Variants in SHISA4 observed in about 807,000 individuals in gnomAD.
SHISA4 encodes protein shisa-4.
SHISA4 carries 16 observed loss-of-function variants against 24.2 expected under a neutral mutation model. The observed-to-expected ratio is 0.66, with a 90% CI of 0.45 to 1.00. SHISA4 has a LOEUF of 1.00. SHISA4 is among the 50% of genes least tolerant of loss of function. SHISA4 has a pLI of 0.00. For synonymous variants in SHISA4, 106 were observed against 105.4 expected (o/e 1.01, Z -0.04); for missense variants, 238 against 258.9 (o/e 0.92, Z 0.55).
In SHISA4 at chr1:201,891,827, C is replaced by CCTCTT; in HGVS notation, c.576_580dup (p.Tyr194SerfsTer18). 1 of 1,614,112 alleles carries CCTCTT rather than the reference C, an allele frequency of 6.2e-7. No homozygotes were observed. Among genetic ancestry groups the CCTCTT allele is most frequent in the South Asian group, 1.1e-5 (1 of 91,074 alleles). The stretch of plus-strand genomic sequence containing the variant: ...CCTCCTCCCTATATGCCACCACAGC[C>CCTCTT]CTCTTACCCGGGAGCCTGAGGAACC... On this transcript the variant is annotated frameshift_variant, in exon 5 of 5. Transcript: ENST00000362011. LOFTEE classifies it high-confidence loss of function.
In SHISA4 at chr1:201,889,214, G is replaced by A. The variant is rs1288127810; in HGVS notation, c.73+147G>A. The A allele has an allele frequency of 4.2e-6, 4 of 952,228 alleles. No individual in the cohort carries two copies. In the East Asian group the frequency reaches 8.0e-5, roughly 19 times the overall value. The allele number at this position is 952,228 out of a possible 1,614,324, so 59.0% of individuals were successfully genotyped here. ...GTGTTGCTGGGTCCTCAAGAAGCGG[G>A]AAGAGGGAGCTCCAGGATGCTGGGC... On this transcript the variant is annotated intron_variant, in intron 1 of 4. Transcript: ENST00000362011.
At position 201,891,957 on chromosome 1, in the gene SHISA4, C is replaced by A; in HGVS notation, c.*111C>A. 1.5e-6 allele frequency: 2 copies of A among 1,336,978 alleles called. No homozygotes were observed. The highest frequency in any genetic ancestry group is 2.1e-6 in the Non-Finnish European group (2 of 934,298). The allele number at this position is 1,336,978 out of a possible 1,614,324, so 82.8% of individuals were successfully genotyped here. A position where few individuals can be genotyped will look rare whatever the true frequency, so the allele number is the denominator to read the frequency against. Reference sequence around the variant, plus strand: ...TGGCAGGAGTCCTCCAGCCACCAGGCCCCAGACCAAGCCAAGCCCTGGGCC... The same window carrying A: ...TGGCAGGAGTCCTCCAGCCACCAGGACCCAGACCAAGCCAAGCCCTGGGCC... On this transcript the variant is annotated 3_prime_UTR_variant, in exon 5 of 5. Coordinates refer to ENST00000362011, the MANE Select transcript of SHISA4 (RefSeq NM_198149.3).
At chr1:201,890,242 C>G (rs936697329) in intron 2 of SHISA4, among the ~76,000 whole-genome samples, 3 of 152,154 alleles carry the variant, frequency 2.0e-5, no homozygotes, top group African/African-American at 7.2e-5. Context: ...TGCAAATCCC[C>G]GTATGCTTCA....
intron 2 of SHISA4, among the ~76,000 whole-genome samples, chr1:201,890,132 G>A (rs1339992156): frequency 1.3e-5 from 2 of 152,052 alleles, no homozygotes; most frequent in Admixed American, 1.3e-4. Context: ...GCGGGGTTTG[G>A]AAAAAATGGC....
At chr1:201,888,725 A>C, upstream of SHISA4, 2 of 342,666 alleles carry the variant, frequency 5.8e-6, no homozygotes, top group Non-Finnish European at 1.0e-5. Context: ...GGAGCCGGGG[A>C]CAGGGGGAGC....
rs978605944 is a variant in SHISA4 at position 201,890,520 on chromosome 1, C to T, written c.312C>T (p.Ile104=). 9 of 1,614,248 alleles carry T rather than the reference C, an allele frequency of 5.6e-6. No individual in the cohort carries two copies. The highest frequency in any genetic ancestry group is 7.6e-6 in the Non-Finnish European group (9 of 1,180,042). ...ILFVAVVATT[I]CCFLCSCCYL... ...TTGTTGCTGTGGTTGCCACCACCATCTGCTGCTTCCTCTGTTCCTGTTGCT... is the reference window on the plus strand; with the variant it reads ...TTGTTGCTGTGGTTGCCACCACCATTTGCTGCTTCCTCTGTTCCTGTTGCT... Residue 104 remains isoleucine (I), a synonymous_variant, in exon 3 of 5, where the codon ATC becomes ATT. Coordinates refer to ENST00000362011, the MANE Select transcript of SHISA4 (RefSeq NM_198149.3).
chr1:201,891,432 G>A lies in SHISA4; in HGVS notation c.411G>A (p.Val137=), dbSNP rs1681095179. ...AGATTCCAATGACAGGCATCCCAGT[G>A]CAGCCAGTATACCCATACCCCCAGG... ...GQEIPMTGIP[V]QPVYPYPQDP... is the part of the protein sequence containing the mutation. The change falls in exon 4 of 5, where the codon GTG becomes GTA. Residue 137 remains valine (V), a synonymous_variant. Coordinates refer to ENST00000362011, the MANE Select transcript of SHISA4 (RefSeq NM_198149.3). 4 of 1,613,740 alleles carry A rather than the reference G, an allele frequency of 2.5e-6. No homozygotes were observed. Among genetic ancestry groups the A allele is most frequent in the Admixed American group, 1.7e-5 (1 of 59,964 alleles).
At chr1:201,890,618 A>G (rs770999201) in intron 3 of SHISA4, 31 bp downstream of exon 3, 1 of 1,612,254 alleles carries the variant, frequency 6.2e-7, no homozygotes, top group Admixed American at 1.7e-5. Flanking sequence ...GAAGGGCCTC[A>G]GATGGGCTGG....
chr1:201,890,234 C>A (rs1681067777), intron 2 of SHISA4, among the ~76,000 whole-genome samples: 1 of 152,206 alleles, frequency 6.6e-6, no homozygotes, highest in Non-Finnish European at 1.5e-5. Flanking sequence ...GGGCGCACTG[C>A]AAATCCCCGT....
At chr1:201,890,988 A>G (rs998510481) in intron 3 of SHISA4, among the ~76,000 whole-genome samples, 1 of 152,188 alleles carries the variant, frequency 6.6e-6, no homozygotes, top group African/African-American at 2.4e-5. Context: ...TGTGATGCAC[A>G]TATGCCACAA....
At chr1:201,889,307 A>G (rs1327453370) in intron 1 of SHISA4, 138 bp from the exon 2 acceptor site, 1 of 1,237,080 alleles carries the variant, frequency 8.1e-7, no homozygotes, top group Non-Finnish European at 1.1e-6. Flanking sequence ...TGGGGCTGAG[A>G]CCCTCAGGGT....
In SHISA4 at chr1:201,889,370, G is replaced by A. The variant is rs1267509312; in HGVS notation, c.74-75G>A. On this transcript the variant is annotated intron_variant, in intron 1 of 4. Coordinates refer to ENST00000362011, the MANE Select transcript of SHISA4 (RefSeq NM_198149.3). The stretch of plus-strand genomic sequence containing the variant: ...GGGAGCCGTCAGGCTGGGGACCGCC[G>A]GGGGAGTGGGGCCGAGCGCGGCTGG... 3.2e-6 allele frequency: 5 copies of A among 1,581,264 alleles called. No homozygotes were observed. In the Admixed American group the frequency reaches 8.4e-5, roughly 27 times the overall value.
In SHISA4 at chr1:201,892,552, A is replaced by G. The variant is rs1032201985; in HGVS notation, c.*706A>G. 2.6e-5 allele frequency among the ~76,000 whole-genome samples: 4 copies of G among 152,118 alleles called. No individual in the cohort carries two copies. Among genetic ancestry groups the G allele is most frequent in the Non-Finnish European group, 5.9e-5 (4 of 68,020 alleles). On this transcript the variant is annotated 3_prime_UTR_variant, in exon 5 of 5. Transcript: ENST00000362011. Reference sequence around the variant, plus strand: ...GAAGAGATGCTCGTTTGCACTACAGATATTCCCTGCTAGGGATCAACAGCT... The same window carrying G: ...GAAGAGATGCTCGTTTGCACTACAGGTATTCCCTGCTAGGGATCAACAGCT...
chr1:201,890,749 AAT>A (rs1038349411), intron 3 of SHISA4, among the ~76,000 whole-genome samples, 162 bp downstream of exon 3: 1 of 152,218 alleles, frequency 6.6e-6, no homozygotes, highest in Admixed American at 6.5e-5. Flanking sequence ...TAAACCCGTG[AAT>A]ATTAGAATGT....
chr1:201,891,605 C>T (rs371845524), intron 4 of SHISA4, 37 bp downstream of exon 4: 75 of 1,585,198 alleles, frequency 4.7e-5, no homozygotes, highest in Non-Finnish European at 6.2e-5. Flanking sequence ...CTGCTGCCTT[C>T]CCCCACCCCT....
intron 2 of SHISA4, 130 bp downstream of exon 2, chr1:201,889,746 G>A (rs1269964298): frequency 8.9e-7 from 1 of 1,125,622 alleles, no homozygotes; most frequent in Non-Finnish European, 1.3e-6. Flanking sequence ...GAGTCACCAG[G>A]ACTCAAGCCT....
In SHISA4 at chr1:201,891,450, C is replaced by T. The variant is rs1219193830; in HGVS notation, c.429C>T (p.Tyr143=). ...TCCCAGTGCAGCCAGTATACCCATA[C>T]CCCCAGGACCCCAAAGCTGGCCCTG... ...TGIPVQPVYP[Y]PQDPKAGPAP... Residue 143 remains tyrosine, a synonymous_variant, in exon 4 of 5, where the codon TAC becomes TAT. Coordinates refer to ENST00000362011, the MANE Select transcript of SHISA4 (RefSeq NM_198149.3). The T allele has an allele frequency of 1.9e-6, 3 of 1,613,914 alleles. No homozygotes were observed. The highest frequency in any genetic ancestry group is 2.5e-6 in the Non-Finnish European group (3 of 1,179,926).
Position 201,889,452 on chromosome 1 carries a change from C to T in SHISA4, c.81C>T (p.Ala27=). 1.2e-6 allele frequency: 2 copies of T among 1,612,814 alleles called. No homozygotes were observed. Among genetic ancestry groups the T allele is most frequent in the South Asian group, 1.1e-5 (1 of 91,084 alleles). The change falls in exon 2 of 5, where the codon GCC becomes GCT. Residue 27 remains alanine (A), a synonymous_variant. Coordinates refer to ENST00000362011, the MANE Select transcript of SHISA4 (RefSeq NM_198149.3). ...CCCAATCCCTGCCCGCAGTGCTGGC[C>T]GGCGAGGACTGCCTGTGGTACCTGG... is the stretch of plus-strand genomic sequence containing the variant. ...LLVLGAPLVL[A]GEDCLWYLDR... is the part of the protein sequence containing the mutation.
At chr1:201,889,093 A>T (rs1681041393) in intron 1 of SHISA4, 26 bp downstream of exon 1, 1 of 1,388,618 alleles carries the variant, frequency 7.2e-7, no homozygotes, top group African/African-American at 1.5e-5. Flanking sequence ...GAGATGCGGC[A>T]GGAGTGGGAT....
Sources: allele counts gnomAD v4.1 joint callset (sites outside exome capture counted in the v4.1 genomes callset), GRCh38; gene constraint gnomAD v4.1.1; transcripts MANE v1.5; gene names NCBI Gene and HGNC (gene_info 2026-07-23, HGNC 2026-07-21).